NBPF9: variants seen among roughly 807,000 people sequenced by gnomAD.
NBPF9 encodes NBPF member 9, also known as NBPF family member NBPF9.
Under a neutral mutation model 97.8 loss-of-function variants are expected in NBPF9, and 91 were observed. The observed-to-expected ratio is 0.93, with a 90% CI of 0.79 to 1.11. NBPF9 has a LOEUF of 1.11. NBPF9 is among the 50% of genes least tolerant of loss of function. The probability of loss-of-function intolerance (pLI) is 0.00; values close to 1 mark genes in which losing one functional copy is unlikely to be tolerated. For synonymous variants in NBPF9, 334 were observed against 359.5 expected (o/e 0.93, Z 0.80); for missense variants, 992 against 939.5 (o/e 1.06, Z -0.73).
At position 149,064,862 on chromosome 1, in the gene NBPF9, G is replaced by T. The variant is rs1376640090; in HGVS notation, c.1802-380C>A. 5.6e-6 allele frequency: 3 copies of T among 532,214 alleles called. No homozygotes were observed. In the African/African-American group the frequency reaches 5.8e-5, roughly 10 times the overall value. The allele number at this position is 532,214 out of a possible 1,614,324, so 33.0% of individuals were successfully genotyped here. On this transcript the variant is annotated intron_variant, in intron 18 of 29. Transcript: ENST00000584027. ...AGAATTTGATAGTTTATGAGATTGT[G>T]GACACAGAGATTTGATGAGGGGGTG...
Position 149,075,056 on chromosome 1 carries a change from C to T in NBPF9, c.988+599G>A, listed in dbSNP as rs374777837. On this transcript the variant is annotated intron_variant, in intron 12 of 29. Transcript: ENST00000584027. ...CAAACTCCTGACCTCATGATCTGCCCGCCTCAGCCTCCCAAAGTGCTGGGA... is the reference window on the plus strand; with the variant it reads ...CAAACTCCTGACCTCATGATCTGCCTGCCTCAGCCTCCCAAAGTGCTGGGA... Among the ~76,000 whole-genome samples the T allele has an allele frequency of 1.1e-3, 171 of 151,486 alleles. 1 individual carries two copies. The highest frequency in any genetic ancestry group is 3.4e-3 in the Middle Eastern group (1 of 294).
rs782704567 is a variant in NBPF9, at chr1:149,055,844, C to T, written c.3148G>A (p.Asp1050Asn). The change falls in exon 30 of 30, where the codon GAT becomes AAT. Residue 1050 changes from aspartate to asparagine, a missense_variant. Coordinates refer to ENST00000584027, the Ensembl canonical transcript of NBPF9. ...ATTGACGGAGTAGAATAACATCCATCCAGTGAGTCCTGCAAGACTTCAGGC... is the reference window on the plus strand; with the variant it reads ...ATTGACGGAGTAGAATAACATCCATTCAGTGAGTCCTGCAAGACTTCAGGC... The T allele has an allele frequency of 1.0e-5, 16 of 1,606,220 alleles. 1 individual carries two copies. The highest frequency in any genetic ancestry group is 1.7e-5 in the Admixed American group (1 of 59,748).
intron 5 of NBPF9, among the ~76,000 whole-genome samples, chr1:149,083,996 TAA>T (rs1206268076): frequency 6.7e-6 from 1 of 149,640 alleles, no homozygotes; most frequent in African/African-American, 2.5e-5. Context: ...TCGTTTTACT[TAA>T]AAGTCTTTCA....
At chr1:149,074,024 C>T (rs1375491209) in intron 12 of NBPF9, among the ~76,000 whole-genome samples, 154 bp from the exon 13 acceptor site, 2 of 150,906 alleles carry the variant, frequency 1.3e-5, no homozygotes, top group Non-Finnish European at 3.0e-5. Flanking sequence ...TCTTCAGTCT[C>T]CTGACTTTCT....
exon 11 of NBPF9, chr1:149,077,405 G>A: frequency 6.2e-7 from 1 of 1,609,830 alleles, no homozygotes; most frequent in South Asian, 1.1e-5. Context: ...GCTCTCTTCA[G>A]CCTTCTGCAC....
rs1403680707 is a variant in NBPF9 at position 149,064,008 on chromosome 1, A to ACACG, written c.1854-204_1854-203insCGTG. Among the ~76,000 whole-genome samples, 5 of 114,824 alleles carry ACACG rather than the reference A, an allele frequency of 4.4e-5. 1 individual carries two copies. The highest frequency in any genetic ancestry group is 1.5e-4 in the African/African-American group (4 of 26,808). The allele number at this position is 114,824 out of a possible 152,430, so 75.3% of individuals were successfully genotyped here. A position where few individuals can be genotyped will look rare whatever the true frequency, so the allele number is the denominator to read the frequency against. ...GAAAGAGAAAGACACACACACACAC[A>ACACG]CAGACACAGACACACACACACACAC... On this transcript the variant is annotated intron_variant, in intron 19 of 29. Transcript: ENST00000584027.
intron 11 of NBPF9, among the ~76,000 whole-genome samples, chr1:149,076,776 C>T (rs1348934835): frequency 6.7e-6 from 1 of 149,984 alleles, no homozygotes; most frequent in Non-Finnish European, 1.5e-5. Flanking sequence ...CCAAAGTGCT[C>T]GGATTACAGG....
exon 30 of NBPF9, chr1:149,055,730 C>T: frequency 6.2e-7 from 1 of 1,611,864 alleles, no homozygotes. Flanking sequence ...AACCTATTGT[C>T]CACGTAAAGG....
exon 22 of NBPF9, chr1:149,062,152 T>A (rs1328182726): frequency 4.9e-6 from 5 of 1,013,694 alleles, no homozygotes; most frequent in Non-Finnish European, 7.8e-6. Flanking sequence ...AGCACTGCTG[T>A]AGGGCTGGCC....
downstream of NBPF9, chr1:149,053,950 T>C (rs1431894995): frequency 6.8e-6 from 1 of 146,250 alleles, no homozygotes. Flanking sequence ...AGAATACAAA[T>C]GACTAGAACC....
At chr1:149,099,843 A>G (rs1197619895) in intron 3 of NBPF9, among the ~76,000 whole-genome samples, 9 of 151,234 alleles carry the variant, frequency 6.0e-5, no homozygotes, top group African/African-American at 1.7e-4. Context: ...TTAGCCGGGC[A>G]TAGTGGTGCA....
At chr1:149,075,382 T>C (rs2079770303) in intron 12 of NBPF9, among the ~76,000 whole-genome samples, 1 of 152,212 alleles carries the variant, frequency 6.6e-6, no homozygotes, top group Non-Finnish European at 1.5e-5. Flanking sequence ...TTGAGCCTCT[T>C]GGAGAAAACA....
chr1:149,079,048 C>T lies in NBPF9; in HGVS notation c.452G>A (p.Gly151Glu). Residue 151 changes from glycine (G) to glutamate (E), a missense_variant, in exon 9 of 30, where the codon GGG (glycine) becomes GAG (glutamate). Around this residue, in one of 11 missense-constraint regions of NBPF9, gnomAD observed 109 missense variants for 133.1 expected, o/e 0.82. Coordinates refer to ENST00000584027, the Ensembl canonical transcript of NBPF9. ...GACAAGGTGCTGTGCCAGTCTACACCCCTCAGCCAGCTGTTCTTGGAGGTC... is the reference window on the plus strand; with the variant it reads ...GACAAGGTGCTGTGCCAGTCTACACTCCTCAGCCAGCTGTTCTTGGAGGTC... 4 of 1,516,566 alleles carry T rather than the reference C, an allele frequency of 2.6e-6. No homozygotes were observed. The South Asian group carries it at 3.4e-5, about 13-fold the overall frequency. 93.9% of individuals were successfully genotyped at this position (1,516,566 alleles called of 1,614,324 possible).
Position 149,055,603 on chromosome 1 carries a change from T to G in NBPF9, c.*53A>C. On this transcript the variant is annotated 3_prime_UTR_variant, in exon 30 of 30. Coordinates refer to ENST00000584027, the Ensembl canonical transcript of NBPF9. ...CTGTACTTTCATTCAAAACTTCACG[T>G]GCCTATAGGTCCTGCCTGCAGGAAT... The G allele has an allele frequency of 3.1e-6, 5 of 1,601,176 alleles. No homozygotes were observed. In the South Asian group the frequency reaches 5.6e-5, roughly 18 times the overall value.
chr1:149,079,257 A>C (rs2080188851), intron 8 of NBPF9, 36 bp from the exon 9 acceptor site: 1 of 1,020,352 alleles, frequency 9.8e-7, no homozygotes, highest in Non-Finnish European at 1.5e-6. Flanking sequence ...TAAGAGTAGA[A>C]AGGGTTGAGT....
At position 149,094,985 on chromosome 1, in the gene NBPF9, G is replaced by T. The variant is rs3969587; in HGVS notation, c.-337+3453C>A. Among the ~76,000 whole-genome samples, 4 of 146,984 alleles carry T rather than the reference G, an allele frequency of 2.7e-5. 1 individual carries two copies. The highest frequency in any genetic ancestry group is 8.1e-5 in the African/African-American group (3 of 37,022). On this transcript the variant is annotated intron_variant, in intron 4 of 29. Coordinates refer to ENST00000584027, the Ensembl canonical transcript of NBPF9. ...GGGGGAATCTCACACATTTCCAAGT[G>T]TTACTACAATGATCTCAACCAGGTT... is the stretch of plus-strand genomic sequence containing the variant.
At position 149,060,021 on chromosome 1, in the gene NBPF9, T is replaced by C; in HGVS notation, c.2477-213A>G. 8.2e-6 allele frequency: 3 copies of C among 366,740 alleles called. 1 individual carries two copies. Among genetic ancestry groups the C allele is most frequent in the Non-Finnish European group, 1.5e-5 (3 of 201,492 alleles). The allele number at this position is 366,740 out of a possible 1,614,324, so 22.7% of individuals were successfully genotyped here. A position where few individuals can be genotyped will look rare whatever the true frequency, so the allele number is the denominator to read the frequency against. ...TGTGGGTAAAATGTCCCTATTCTAG[T>C]AGATCGTTATCCCAATATCATTGGT... is the stretch of plus-strand genomic sequence containing the variant. On this transcript the variant is annotated intron_variant, in intron 24 of 29. Coordinates refer to ENST00000584027, the Ensembl canonical transcript of NBPF9.
chr1:149,087,891 G>A (rs1396272529), intron 5 of NBPF9, among the ~76,000 whole-genome samples: 8 of 135,998 alleles, frequency 5.9e-5, no homozygotes, highest in African/African-American at 1.7e-4. Flanking sequence ...GGAGTGCAGT[G>A]ATGCGATCTC....
intron 2 of NBPF9, among the ~76,000 whole-genome samples, chr1:149,101,680 C>T (rs1159538013): frequency 2.0e-5 from 3 of 150,862 alleles, no homozygotes; most frequent in African/African-American, 7.3e-5. Flanking sequence ...CATTACTGCA[C>T]CCCTACTAGA....
Sources: allele counts gnomAD v4.1 joint callset (sites outside exome capture counted in the v4.1 genomes callset), GRCh38; gene constraint gnomAD v4.1.1; regional missense constraint gnomAD v4.1.1; transcripts MANE v1.5; gene names NCBI Gene and HGNC (gene_info 2026-07-23, HGNC 2026-07-21).